The following RPS6KA5 variants were observed in gnomAD, a reference collection of about 807,000 sequenced individuals.
RPS6KA5 encodes the protein ribosomal protein S6 kinase A5.
A neutral mutation model predicts 85.5 loss-of-function variants in RPS6KA5; 27 were observed. The ratio of observed to expected loss-of-function variants is 0.32; its 90% CI spans 0.23 to 0.44. The LOEUF (loss-of-function observed/expected upper bound fraction) is 0.44. Among genes scored for constraint, RPS6KA5 ranks in the 20% least tolerant of loss-of-function variants. The pLI is 1.00. For missense variants in RPS6KA5, 811 were observed against 980.9 expected (o/e 0.83, Z 2.31); for synonymous variants, 334 against 348.2 (o/e 0.96, Z 0.46).
chr14:91,017,433 C>T (rs1299585429), intron 1 of RPS6KA5, among the ~76,000 whole-genome samples: 1 of 152,198 alleles, frequency 6.6e-6, no homozygotes, highest in East Asian at 1.9e-4. Flanking sequence ...AACTTCACAG[C>T]AAATGAAGTG....
intron 7 of RPS6KA5, among the ~76,000 whole-genome samples, chr14:90,918,717 T>C (rs765491794): frequency 6.6e-6 from 1 of 152,230 alleles, no homozygotes; most frequent in Non-Finnish European, 1.5e-5. Context: ...TTTCTTGAAG[T>C]TCACTTTTTT....
intron 3 of RPS6KA5, among the ~76,000 whole-genome samples, chr14:90,959,394 T>C (rs1418635259): frequency 1.3e-5 from 2 of 152,100 alleles, no homozygotes; most frequent in Admixed American, 1.3e-4. Flanking sequence ...GTATTGAGAA[T>C]AGAAAGGGTA....
intron 13 of RPS6KA5, among the ~76,000 whole-genome samples, chr14:90,892,061 C>T (rs1399686937): frequency 6.7e-6 from 1 of 150,252 alleles, no homozygotes; most frequent in African/African-American, 2.5e-5. Context: ...TGCAGTGGTG[C>T]GATCTTGGCT....
intron 16 of RPS6KA5, among the ~76,000 whole-genome samples, chr14:90,872,695 T>C (rs779741571): frequency 6.6e-6 from 1 of 152,216 alleles, no homozygotes; most frequent in Non-Finnish European, 1.5e-5. Flanking sequence ...TTTAAAATTC[T>C]GAACACAAAG....
At chr14:91,008,242 A>G (rs1595460783) in intron 1 of RPS6KA5, among the ~76,000 whole-genome samples, 1 of 152,264 alleles carries the variant, frequency 6.6e-6, no homozygotes, top group East Asian at 1.9e-4. Flanking sequence ...AAGCACTTTT[A>G]CAATTAAGGT....
intron 14 of RPS6KA5, among the ~76,000 whole-genome samples, chr14:90,885,863 T>A (rs1418315240): frequency 2.7e-5 from 4 of 150,336 alleles, no homozygotes; most frequent in Non-Finnish European, 5.9e-5. Context: ...GTGAAAAAAC[T>A]AACTTTCCAA....
chr14:90,997,682 G>GTA (rs751897822), intron 2 of RPS6KA5, among the ~76,000 whole-genome samples: 11 of 152,238 alleles, frequency 7.2e-5, no homozygotes, highest in Middle Eastern at 3.4e-3. Context: ...ACAAAATGTG[G>GTA]TATATCTGTA....
intron 3 of RPS6KA5, among the ~76,000 whole-genome samples, chr14:90,958,793 GA>G (rs201928280): frequency 6.7e-6 from 1 of 149,734 alleles, no homozygotes; most frequent in African/African-American, 2.5e-5. Flanking sequence ...TTCCATTCAG[GA>G]AAAAAAAATA....
chr14:90,938,140 CAAAA>C (rs1256646134), intron 5 of RPS6KA5, among the ~76,000 whole-genome samples: 96 of 152,270 alleles, frequency 6.3e-4, no homozygotes, highest in African/African-American at 2.1e-3. Flanking sequence ...AGAAACTGGC[CAAAA>C]CAAAGGGACT....
At position 90,926,391 on chromosome 14, in the gene RPS6KA5, AAAAAAAAAAAAC is replaced by A. The variant is rs1187456896; in HGVS notation, c.619-3207_619-3196del. 9.6e-3 allele frequency among the ~76,000 whole-genome samples: 1,285 copies of A among 133,208 alleles called. 17 individuals are homozygous for A. The highest frequency in any genetic ancestry group is 0.039 in the African/African-American group (1,243 of 32,168). The allele number at this position is 133,208 out of a possible 152,430, so 87.4% of individuals were successfully genotyped here. A position where few individuals can be genotyped will look rare whatever the true frequency, so the allele number is the denominator to read the frequency against. ...GGGCCACAGAGTGAGACTCTGTCTC[AAAAAAAAAAAAC>A]AAAAAAAAAGACTTAGTAAAATTTA... On this transcript the variant is annotated intron_variant, in intron 5 of 16. Coordinates refer to ENST00000614987, the MANE Select transcript of RPS6KA5 (RefSeq NM_004755.4).
chr14:90,894,489 T>C lies in RPS6KA5; in HGVS notation c.1568A>G (p.Tyr523Cys). ...KKHFSETEAS[Y>C]IMRKLVSAVS... ...AGCTGAAACAAGCTTCCTCATGATG[T>C]AGCTGGCTTCCGTCTCACTGAAGTG... Residue 523 changes from tyrosine to cysteine, a missense_variant, in exon 13 of 17, where the codon TAC becomes TGC. Physicochemically the swap from Tyr to Cys is radical, Grantham distance 194. Transcript: ENST00000614987. The C allele has an allele frequency of 6.2e-7, 1 of 1,614,158 alleles. No individual in the cohort carries two copies. The highest frequency in any genetic ancestry group is 8.5e-7 in the Non-Finnish European group (1 of 1,180,026).
chr14:90,892,299 G>A (rs568250563), intron 13 of RPS6KA5, among the ~76,000 whole-genome samples: 1 of 152,278 alleles, frequency 6.6e-6, no homozygotes, highest in Non-Finnish European at 1.5e-5. Flanking sequence ...ACTGCGCTCG[G>A]CCAGTTTCAC....
At chr14:91,058,180 T>C (rs2043401834) in intron 1 of RPS6KA5, among the ~76,000 whole-genome samples, 1 of 152,238 alleles carries the variant, frequency 6.6e-6, no homozygotes, top group African/African-American at 2.4e-5. Flanking sequence ...ACAGTGTTTT[T>C]GACCACTATA....
At chr14:91,014,523 CAAAAAAA>C (rs1191793313) in intron 1 of RPS6KA5, among the ~76,000 whole-genome samples, 8 of 146,184 alleles carry the variant, frequency 5.5e-5, no homozygotes, top group African/African-American at 2.0e-4. Context: ...AAACAAAAAA[CAAAAAAA>C]ATGAGTATTA....
intron 1 of RPS6KA5, among the ~76,000 whole-genome samples, chr14:91,004,827 G>T (rs2040942934): frequency 6.6e-6 from 1 of 151,974 alleles, no homozygotes; most frequent in South Asian, 2.1e-4. Flanking sequence ...AATTAGCCGG[G>T]CATGGTGGCG....
At chr14:91,022,116 G>A (rs550130572) in intron 1 of RPS6KA5, among the ~76,000 whole-genome samples, 1 of 152,276 alleles carries the variant, frequency 6.6e-6, no homozygotes, top group South Asian at 2.1e-4. Context: ...TGGTATGCGT[G>A]TTTCATAATA....
intron 1 of RPS6KA5, among the ~76,000 whole-genome samples, chr14:91,003,445 T>A (rs907764100): frequency 3.3e-5 from 5 of 152,222 alleles, no homozygotes; most frequent in African/African-American, 1.2e-4. Context: ...TCAGATGATC[T>A]GTGAAGGGCT....
chr14:90,960,952 G>A (rs1187693467), intron 3 of RPS6KA5, among the ~76,000 whole-genome samples: 1 of 152,158 alleles, frequency 6.6e-6, no homozygotes, highest in East Asian at 1.9e-4. Context: ...AAGTGGTACT[G>A]TTCGTATACA....
At chr14:90,996,628 A>G (rs531312061) in intron 2 of RPS6KA5, among the ~76,000 whole-genome samples, 4 of 152,304 alleles carry the variant, frequency 2.6e-5, no homozygotes, top group East Asian at 1.9e-4. Flanking sequence ...TGGGTTAATC[A>G]AAAGTATATA....
Sources: gnomAD v4.1 joint callset for allele counts (sites outside exome capture counted in the v4.1 genomes callset) on GRCh38, gnomAD v4.1.1 for gene constraint, MANE v1.5 for transcripts, NCBI Gene and HGNC (gene_info 2026-07-23, HGNC 2026-07-21) for gene names.